ARHGAP21: variants seen among roughly 807,000 people sequenced by gnomAD.
ARHGAP21 encodes rho GTPase-activating protein 21.
Under a neutral mutation model 164.6 loss-of-function variants are expected in ARHGAP21, and 38 were observed. The observed-to-expected ratio is 0.23, with a 90% CI of 0.18 to 0.30. ARHGAP21 has a LOEUF of 0.30. Ranked by LOEUF, ARHGAP21 falls within the 10% of genes least tolerant of loss-of-function variation. ARHGAP21 has a pLI of 1.00. For synonymous variants in ARHGAP21, 766 were observed against 857.9 expected (o/e 0.89, Z 1.87); for missense variants, 1,822 against 2,370.7 (o/e 0.77, Z 4.81).
At chr10:24,648,980 A>C in intron 4 of ARHGAP21, 1 of 459,364 alleles carries the variant, frequency 2.2e-6, no homozygotes, top group Non-Finnish European at 2.9e-6. Context: ...ACTTGTTACT[A>C]GCTACATATA....
chr10:24,596,802 G>A lies in ARHGAP21; in HGVS notation c.3415C>T (p.Pro1139Ser), dbSNP rs750784890. The change falls in exon 17 of 26, where the codon CCA becomes TCA. Residue 1139 changes from proline to serine, a missense_variant. Physicochemically the swap from Pro to Ser is moderately conservative, Grantham distance 74. Coordinates refer to ENST00000396432, the MANE Select transcript of ARHGAP21 (RefSeq NM_020824.4). ...ACGCCGAAAGTTCCTGTAGCAGTTG[G>A]CTTTTTCTCAAATGTCTTTCTCATG... is the stretch of plus-strand genomic sequence containing the variant. ...SIMRKTFEKK[P>S]TATGTFGVRL... 6.2e-7 allele frequency: 1 copy of A among 1,612,752 alleles called. No homozygotes were observed. The highest frequency in any genetic ancestry group is 1.7e-5 in the Admixed American group (1 of 59,686).
At chr10:24,712,557 A>G (rs1022276305) in intron 2 of ARHGAP21, among the ~76,000 whole-genome samples, 6 of 152,200 alleles carry the variant, frequency 3.9e-5, no homozygotes, top group Non-Finnish European at 7.3e-5. Context: ...CGGTTGTTAT[A>G]CTGTGGTTTT....
At chr10:24,615,846 C>T (rs953262794) in intron 9 of ARHGAP21, among the ~76,000 whole-genome samples, 4 of 152,166 alleles carry the variant, frequency 2.6e-5, no homozygotes, top group African/African-American at 9.7e-5. Flanking sequence ...ACGATCTCAG[C>T]TCTTTGCAAC....
chr10:24,595,622 CA>C (rs952676931), intron 19 of ARHGAP21, 94 bp downstream of exon 19: 12 of 1,290,144 alleles, frequency 9.3e-6, no homozygotes, highest in African/African-American at 1.5e-5. Flanking sequence ...TTCCTTTGAC[CA>C]AGACATTTTG....
chr10:24,670,129 G>T, intron 3 of ARHGAP21, 89 bp downstream of exon 3: 1 of 823,260 alleles, frequency 1.2e-6, no homozygotes, highest in Non-Finnish European at 1.8e-6. Context: ...ACAGAAAAAA[G>T]GCCATAGGGA....
At chr10:24,639,929 C>A (rs990528880) in intron 4 of ARHGAP21, among the ~76,000 whole-genome samples, 12 of 145,448 alleles carry the variant, frequency 8.3e-5, no homozygotes, top group Admixed American at 3.4e-4. Context: ...CAAAAAAAAA[C>A]CACACTAAAG....
rs531250176 is a variant in ARHGAP21, at chr10:24,638,708, A to C, written c.269-3605T>G. ...AAAGAACTGTTAAATACCTTATTCA[A>C]ATATCATTTCCTAACCTTATCAAAA... On this transcript the variant is annotated intron_variant, in intron 4 of 25. Transcript: ENST00000396432. Among the ~76,000 whole-genome samples the C allele has an allele frequency of 1.9e-3, 295 of 152,334 alleles. 1 individual carries two copies. Among genetic ancestry groups the C allele is most frequent in the Admixed American group, 7.2e-3 (110 of 15,306 alleles).
chr10:24,667,379 C>G (rs1840298849), intron 3 of ARHGAP21, among the ~76,000 whole-genome samples: 1 of 152,094 alleles, frequency 6.6e-6, no homozygotes, highest in South Asian at 2.1e-4. Context: ...GGCAGTTGGA[C>G]AGATGGAAAG....
chr10:24,642,472 G>A (rs995207496), intron 4 of ARHGAP21, among the ~76,000 whole-genome samples: 12 of 139,168 alleles, frequency 8.6e-5, no homozygotes, highest in South Asian at 2.2e-4. Flanking sequence ...CCAAGATCGC[G>A]CCACTGCACT....
chr10:24,683,004 G>A (rs1291001724), intron 2 of ARHGAP21, among the ~76,000 whole-genome samples: 2 of 151,002 alleles, frequency 1.3e-5, no homozygotes, highest in African/African-American at 4.9e-5. Flanking sequence ...GCTGAGACAG[G>A]AGAATGGCGT....
intron 4 of ARHGAP21, among the ~76,000 whole-genome samples, chr10:24,648,087 C>A (rs1837756632): frequency 6.6e-6 from 1 of 152,168 alleles, no homozygotes; most frequent in African/African-American, 2.4e-5. Flanking sequence ...GATCCACCCA[C>A]CCCGGCCTCC....
chr10:24,589,183 G>A (rs950101122), intron 25 of ARHGAP21, 88 bp downstream of exon 25: 3 of 1,114,530 alleles, frequency 2.7e-6, no homozygotes, highest in Non-Finnish European at 4.1e-6. Flanking sequence ...ATTAGACATA[G>A]AGAGGAATGC....
At chr10:24,607,345 AATTTAATGTTACC>A (rs2130988380) in intron 11 of ARHGAP21, 141 bp downstream of exon 11, 2 of 665,180 alleles carry the variant, frequency 3.0e-6, no homozygotes, top group East Asian at 5.5e-5. Context: ...TTTAAAATTC[AATTTAATGTTACC>A]ATTAACAACT....
At chr10:24,587,651 C>A (rs1174635541) in intron 25 of ARHGAP21, among the ~76,000 whole-genome samples, 1 of 152,206 alleles carries the variant, frequency 6.6e-6, no homozygotes, top group Non-Finnish European at 1.5e-5. Flanking sequence ...ATGGTTGTGA[C>A]TGGGCTCTCA....
rs368451572 is a variant in ARHGAP21 at position 24,584,958 on chromosome 10, C to T, written c.5331G>A (p.Ala1777=). 2.5e-5 allele frequency: 41 copies of T among 1,613,798 alleles called. No homozygotes were observed. In the Admixed American group the frequency reaches 2.7e-4, roughly 10 times the overall value. Residue 1777 remains alanine, a synonymous_variant, in exon 26 of 26, where the codon GCG becomes GCA. Coordinates refer to ENST00000396432, the MANE Select transcript of ARHGAP21 (RefSeq NM_020824.4). ...DRLKLRPRAP[A]DDMFGVGNHK... is the part of the protein sequence containing the mutation. ...GATTCCCTACTCCAAACATGTCATC[C>T]GCAGGGGCTCTGGGTCTCAGTTTTA...
intron 24 of ARHGAP21, 75 bp from the exon 25 acceptor site, chr10:24,589,377 G>A (rs534429336): frequency 1.5e-6 from 2 of 1,335,540 alleles, no homozygotes; most frequent in South Asian, 1.3e-5. Context: ...CAAAACTTAT[G>A]GAAAGACAGG....
chr10:24,592,136 AAAT>A, intron 21 of ARHGAP21, 124 bp from the exon 22 acceptor site: 12 of 973,012 alleles, frequency 1.2e-5, no homozygotes, highest in Non-Finnish European at 1.7e-5. Flanking sequence ...TAGATTAAAA[AAAT>A]AATGCTTTCT....
At chr10:24,599,894 G>A (rs1355351295) in intron 14 of ARHGAP21, among the ~76,000 whole-genome samples, 1 of 152,150 alleles carries the variant, frequency 6.6e-6, no homozygotes, top group Non-Finnish European at 1.5e-5. Flanking sequence ...AGCACTTTGG[G>A]AGGCCGAGGC....
chr10:24,597,465 T>C lies in ARHGAP21; in HGVS notation c.3316A>G (p.Arg1106Gly), dbSNP rs199641044. 107 of 1,613,484 alleles carry C rather than the reference T, an allele frequency of 6.6e-5. No homozygotes were observed. Among genetic ancestry groups the C allele is most frequent in the Non-Finnish European group, 8.6e-5 (102 of 1,179,854 alleles). ...SPHSPKEESE[R>G]KLLSKDDTSP... ...TCAATACCTTTACTGAGAAGTTTCC[T>C]TTCCGACTCTTCCTTCGGAGAGTGT... The change falls in exon 16 of 26, where the codon AGG becomes GGG. Residue 1106 changes from arginine to glycine, a missense_variant. Arg to Gly is a moderately radical substitution (Grantham distance 125). Coordinates refer to ENST00000396432, the MANE Select transcript of ARHGAP21 (RefSeq NM_020824.4).
Sources: gnomAD v4.1 joint callset for allele counts (sites outside exome capture counted in the v4.1 genomes callset) on GRCh38, gnomAD v4.1.1 for gene constraint, MANE v1.5 for transcripts, NCBI Gene and HGNC (gene_info 2026-07-23, HGNC 2026-07-21) for gene names.